Variants in RANBP9 observed in about 807,000 individuals in gnomAD.
RANBP9 encodes ran-binding protein 9.
In RANBP9, 15 loss-of-function variants were observed where a neutral mutation model predicts 84.3. The observed-to-expected ratio is 0.18, with a 90% CI of 0.12 to 0.27. RANBP9 has a LOEUF of 0.27. RANBP9 is among the 10% of genes least tolerant of loss of function. The pLI is 1.00. For synonymous variants in RANBP9, 392 were observed against 349.6 expected (o/e 1.12, Z -1.35); for missense variants, 809 against 912.8 (o/e 0.89, Z 1.46).
chr6:13,677,433 G>A (rs1273671157), intron 2 of RANBP9, among the ~76,000 whole-genome samples: 1 of 152,108 alleles, frequency 6.6e-6, no homozygotes, highest in Admixed American at 6.6e-5. Context: ...GTTTATTCAT[G>A]TATATAAGTT....
intron 2 of RANBP9, among the ~76,000 whole-genome samples, chr6:13,663,896 T>A (rs139455036): frequency 2.6e-5 from 4 of 152,068 alleles, no homozygotes; most frequent in African/African-American, 9.7e-5. Flanking sequence ...CCTCAACCTG[T>A]ACCTACAAAA....
At chr6:13,670,319 A>G (rs4631285) in intron 2 of RANBP9, among the ~76,000 whole-genome samples, 6,720 of 152,248 alleles carry the variant, frequency 0.044, 212 homozygotes, top group Non-Finnish European at 0.068. Flanking sequence ...TTTCAAAAAG[A>G]ATGTAGCTGG....
intron 2 of RANBP9, among the ~76,000 whole-genome samples, chr6:13,695,302 AATT>A: frequency 6.6e-6 from 1 of 152,254 alleles, no homozygotes; most frequent in African/African-American, 2.4e-5. Flanking sequence ...GCAGATAAAT[AATT>A]GAGATCTGAC....
chr6:13,695,469 C>T (rs1165055101), intron 2 of RANBP9, among the ~76,000 whole-genome samples: 2 of 132,238 alleles, frequency 1.5e-5, no homozygotes, highest in African/African-American at 5.8e-5. Context: ...GCCTGTGGGA[C>T]ATTCAAATGC....
At chr6:13,648,418 G>A (rs572548077) in intron 5 of RANBP9, among the ~76,000 whole-genome samples, 10 of 152,006 alleles carry the variant, frequency 6.6e-5, no homozygotes, top group Non-Finnish European at 1.3e-4. Context: ...AATTACAGGC[G>A]TGAGCCACCG....
chr6:13,639,799 C>T (rs2127764560), intron 8 of RANBP9, 46 bp from the exon 9 acceptor site: 1 of 1,459,630 alleles, frequency 6.9e-7, no homozygotes, highest in Non-Finnish European at 9.4e-7. Context: ...CTTCAAATGG[C>T]CTTTTATTTA....
chr6:13,708,430 A>G (rs143647963), intron 1 of RANBP9, among the ~76,000 whole-genome samples: 1,726 of 152,286 alleles, frequency 0.011, 36 homozygotes, highest in African/African-American at 0.039. Flanking sequence ...TATCACACAC[A>G]CATACACAAA....
intron 10 of RANBP9, among the ~76,000 whole-genome samples, chr6:13,636,742 C>T (rs563036065): frequency 6.6e-6 from 1 of 152,218 alleles, no homozygotes; most frequent in African/African-American, 2.4e-5. Context: ...TTCTCATACA[C>T]TTTTGTGGTT....
intron 2 of RANBP9, among the ~76,000 whole-genome samples, chr6:13,663,733 A>G (rs1200489871): frequency 1.3e-5 from 2 of 152,174 alleles, no homozygotes. Context: ...TGTTTAACCC[A>G]AGAACAAAAG....
intron 12 of RANBP9, 145 bp from the exon 13 acceptor site, chr6:13,625,909 C>T (rs998880188): frequency 2.6e-5 from 14 of 544,362 alleles, no homozygotes; most frequent in Middle Eastern, 3.3e-4. Context: ...AGCACTGGGA[C>T]GCTCTACATT....
chr6:13,652,507 T>G, intron 5 of RANBP9, 152 bp downstream of exon 5: 2 of 650,994 alleles, frequency 3.1e-6, no homozygotes. Flanking sequence ...ACACCCAAGG[T>G]GGTTAGAGAA....
intron 1 of RANBP9, among the ~76,000 whole-genome samples, chr6:13,709,294 G>A (rs1374140015): frequency 6.6e-6 from 1 of 152,202 alleles, no homozygotes; most frequent in Non-Finnish European, 1.5e-5. Context: ...ACACCACTCA[G>A]AGGAAGAAAC....
chr6:13,680,626 C>T (rs1050016906), intron 2 of RANBP9, among the ~76,000 whole-genome samples: 11 of 151,850 alleles, frequency 7.2e-5, no homozygotes, highest in African/African-American at 2.2e-4. Context: ...CATAGTGGTG[C>T]GCACCTGTAC....
chr6:13,646,654 T>G (rs1765181264), intron 5 of RANBP9, among the ~76,000 whole-genome samples: 1 of 152,094 alleles, frequency 6.6e-6, no homozygotes, highest in South Asian at 2.1e-4. Flanking sequence ...TCAAAGACAA[T>G]CAACATTCAT....
chr6:13,631,098 G>A lies in RANBP9; in HGVS notation c.1947+1272C>T, dbSNP rs542207847. On this transcript the variant is annotated intron_variant, in intron 12 of 13. Coordinates refer to ENST00000011619, the MANE Select transcript of RANBP9 (RefSeq NM_005493.3). Reference sequence around the variant, plus strand: ...GCTGGGAATACAGGTGTGAGCCACCGCGCCCGGCCTGATTTGACTTTTTAA... The same window carrying A: ...GCTGGGAATACAGGTGTGAGCCACCACGCCCGGCCTGATTTGACTTTTTAA... Among the ~76,000 whole-genome samples, 6 of 152,206 alleles carry A rather than the reference G, an allele frequency of 3.9e-5. No homozygotes were observed. In the South Asian group the frequency reaches 1.2e-3, roughly 31 times the overall value.
At chr6:13,631,720 C>G (rs1764787475) in intron 12 of RANBP9, among the ~76,000 whole-genome samples, 1 of 152,226 alleles carries the variant, frequency 6.6e-6, no homozygotes, top group Non-Finnish European at 1.5e-5. Flanking sequence ...AGCTGTACAT[C>G]TCTACAACTG....
At chr6:13,627,358 G>A (rs1446145359) in intron 12 of RANBP9, among the ~76,000 whole-genome samples, 1 of 152,024 alleles carries the variant, frequency 6.6e-6, no homozygotes, top group East Asian at 1.9e-4. Context: ...GGCCGGGTGT[G>A]GTGGCTCACA....
chr6:13,634,667 A>G (rs1764891285), intron 10 of RANBP9, 115 bp from the exon 11 acceptor site: 1 of 993,616 alleles, frequency 1.0e-6, no homozygotes, highest in East Asian at 2.8e-5. Context: ...AAGGCAACAG[A>G]AATCTGCAAA....
chr6:13,697,364 A>G (rs1315480122), intron 1 of RANBP9, among the ~76,000 whole-genome samples: 4 of 152,192 alleles, frequency 2.6e-5, no homozygotes, highest in Non-Finnish European at 2.9e-5. Context: ...ATCTTACACA[A>G]TTAGATTGAA....
Sources: gnomAD v4.1 joint callset for allele counts (sites outside exome capture counted in the v4.1 genomes callset) on GRCh38, gnomAD v4.1.1 for gene constraint, MANE v1.5 for transcripts, NCBI Gene and HGNC (gene_info 2026-07-23, HGNC 2026-07-21) for gene names.